The following CDH6 variants were observed in gnomAD, a reference collection of about 807,000 sequenced individuals.
CDH6 encodes the protein cadherin-6.
CDH6 carries 31 observed loss-of-function variants against 78.0 expected under a neutral mutation model. The observed-to-expected ratio is 0.40, with a 90% CI of 0.30 to 0.54. CDH6 has a LOEUF of 0.54. CDH6 is among the 20% of genes least tolerant of loss of function. The pLI, the probability that CDH6 is intolerant of heterozygous loss-of-function variation, is 0.56. For synonymous variants in CDH6, 376 were observed against 368.8 expected, an observed-to-expected ratio of 1.02 and a Z score of -0.23; for missense variants, 724 against 975.9, an observed-to-expected ratio of 0.74 and a Z score of 3.44.
intron 1 of CDH6, among the ~76,000 whole-genome samples, chr5:31,206,438 A>G (rs1004834685): frequency 6.6e-6 from 1 of 152,186 alleles, no homozygotes; most frequent in Non-Finnish European, 1.5e-5. Flanking sequence ...AACAGGTTTC[A>G]GCCTCATAGA....
At chr5:31,204,567 T>A (rs1011114997) in intron 1 of CDH6, among the ~76,000 whole-genome samples, 1 of 152,232 alleles carries the variant, frequency 6.6e-6, no homozygotes, top group Non-Finnish European at 1.5e-5. Context: ...AATAAAAAGT[T>A]GGCTTTGCAC....
intron 1 of CDH6, among the ~76,000 whole-genome samples, chr5:31,207,466 A>T (rs142807062): frequency 5.3e-5 from 8 of 151,980 alleles, no homozygotes; most frequent in African/African-American, 1.9e-4. Context: ...TACCTATCTG[A>T]CTCTTAGCTT....
intron 1 of CDH6, among the ~76,000 whole-genome samples, chr5:31,202,013 A>G (rs899688927): frequency 6.6e-6 from 1 of 152,222 alleles, no homozygotes; most frequent in African/African-American, 2.4e-5. Context: ...CAAAGCGGAT[A>G]ATTCAGTGGG....
At chr5:31,250,871 T>C (rs1212269850) in intron 1 of CDH6, 3 of 152,348 alleles carry the variant, frequency 2.0e-5, no homozygotes, top group African/African-American at 4.8e-5. Context: ...TTTAGGTCAA[T>C]GCCTGTCAAT....
At chr5:31,320,324 G>C (rs754539225) in intron 11 of CDH6, among the ~76,000 whole-genome samples, 38 of 152,102 alleles carry the variant, frequency 2.5e-4, no homozygotes, top group Admixed American at 1.3e-4. Context: ...TTGATTTTTT[G>C]AAAGTGCCCT....
chr5:31,296,707 C>T (rs1346119272), intron 3 of CDH6, among the ~76,000 whole-genome samples: 5 of 152,154 alleles, frequency 3.3e-5, no homozygotes, highest in Non-Finnish European at 2.9e-5. Context: ...TGTCACATTA[C>T]TTAAGTCCAA....
At chr5:31,293,900 A>T (rs1426849281) in intron 2 of CDH6, 62 bp from the exon 3 acceptor site, 3 of 1,190,588 alleles carry the variant, frequency 2.5e-6, no homozygotes, top group Non-Finnish European at 2.4e-6. Context: ...CCAAAAAGAC[A>T]AAAACAGTTT....
At chr5:31,265,150 G>T (rs939312188) in intron 1 of CDH6, among the ~76,000 whole-genome samples, 3 of 152,168 alleles carry the variant, frequency 2.0e-5, no homozygotes, top group Non-Finnish European at 4.4e-5. Flanking sequence ...CCACAGAATC[G>T]ACCTCAGTGT....
chr5:31,194,572 A>C (rs1432573661), intron 1 of CDH6, among the ~76,000 whole-genome samples: 1 of 152,170 alleles, frequency 6.6e-6, no homozygotes, highest in African/African-American at 2.4e-5. Context: ...TTGCAAGGAA[A>C]GTCCAACACT....
At chr5:31,231,279 G>T (rs1177537616) in intron 1 of CDH6, among the ~76,000 whole-genome samples, 1 of 152,138 alleles carries the variant, frequency 6.6e-6, no homozygotes, top group East Asian at 1.9e-4. Context: ...AAAAAGACTG[G>T]CCTGAAATTC....
In CDH6 at chr5:31,302,097, C is replaced by G. The variant is rs374306648; in HGVS notation, c.812-14C>G. ...TAGTCTATGTTTGACTTATATCTGT[C>G]TGGTGATTAATAGGTACATACCAGT... On this transcript the variant is annotated splice_polypyrimidine_tract_variant and intron_variant, in intron 5 of 11. Coordinates refer to ENST00000265071, the MANE Select transcript of CDH6 (RefSeq NM_004932.4). The G allele has an allele frequency of 3.2e-5, 50 of 1,577,622 alleles. No individual in the cohort carries two copies. The highest frequency in any genetic ancestry group is 4.3e-5 in the Non-Finnish European group (49 of 1,152,198).
At chr5:31,202,759 A>G (rs1293997699) in intron 1 of CDH6, among the ~76,000 whole-genome samples, 1 of 151,460 alleles carries the variant, frequency 6.6e-6, no homozygotes, top group Non-Finnish European at 1.5e-5. Flanking sequence ...TATGTAACAT[A>G]TACACGCATA....
rs920228099 is a variant in CDH6, at chr5:31,193,901, C to T, written c.-129+15C>T. On this transcript the variant is annotated intron_variant, in intron 1 of 11. Coordinates refer to ENST00000265071, the MANE Select transcript of CDH6 (RefSeq NM_004932.4). ...GGCGAGCAGAGGTGGGTTCGGGCTC[C>T]GTTGGCTATGCATACATCTCCCTTT... is the stretch of plus-strand genomic sequence containing the variant. 3 of 152,164 alleles carry T rather than the reference C, an allele frequency of 2.0e-5. No homozygotes were observed. The highest frequency in any genetic ancestry group is 3.7e-4 in the South Asian group (2 of 5,424). The allele number at this position is 152,164 out of a possible 1,614,324, so 9.4% of individuals were successfully genotyped here.
At position 31,316,306 on chromosome 5, in the gene CDH6, T is replaced by C; in HGVS notation, c.1489T>C (p.Cys497Arg). The C allele has an allele frequency of 6.2e-7, 1 of 1,613,274 alleles. No individual in the cohort carries two copies. Among genetic ancestry groups the C allele is most frequent in the Non-Finnish European group, 8.5e-7 (1 of 1,179,602 alleles). The change falls in exon 9 of 12, where the codon TGT (cysteine) becomes CGT (arginine). Residue 497 changes from cysteine to arginine, a missense_variant. Coordinates refer to ENST00000265071, the MANE Select transcript of CDH6 (RefSeq NM_004932.4). ...EFAEFYETFV[C>R]EKAKADQLIQ... is the part of the protein sequence containing the mutation. ...TGCTGAGTTCTATGAAACTTTTGTC[T>C]GTGAAAAAGCAAAGGCAGATCAGGT... is the stretch of plus-strand genomic sequence containing the variant.
At chr5:31,270,055 T>TA (rs1315196078) in intron 2 of CDH6, among the ~76,000 whole-genome samples, 1 of 152,160 alleles carries the variant, frequency 6.6e-6, no homozygotes, top group African/African-American at 2.4e-5. Flanking sequence ...TTACCACAAT[T>TA]AAAAATAATA....
Position 31,297,424 on chromosome 5 carries a change from C to T in CDH6, c.643+16C>T. 1 of 1,573,448 alleles carries T rather than the reference C, an allele frequency of 6.4e-7. No homozygotes were observed. Among genetic ancestry groups the T allele is most frequent in the Non-Finnish European group, 8.6e-7 (1 of 1,156,572 alleles). On this transcript the variant is annotated intron_variant, in intron 4 of 11. Coordinates refer to ENST00000265071, the MANE Select transcript of CDH6 (RefSeq NM_004932.4). Reference sequence around the variant, plus strand: ...TCAGAAACAGGTTAGACTTTTTGATCTTCCTTTTTATAATCTATAATTTTA... The same window carrying T: ...TCAGAAACAGGTTAGACTTTTTGATTTTCCTTTTTATAATCTATAATTTTA...
rs151043213 is a variant in CDH6, at chr5:31,328,175, CTTTTTTTT to C, written c.*4881_*4888del. The C allele has an allele frequency of 4.9e-4, 60 of 122,138 alleles. No individual in the cohort carries two copies. The highest frequency in any genetic ancestry group is 8.8e-4 in the Non-Finnish European group (54 of 61,120). The allele number at this position is 122,138 out of a possible 1,614,324, so 7.6% of individuals were successfully genotyped here. A position where few individuals can be genotyped will look rare whatever the true frequency, so the allele number is the denominator to read the frequency against. On this transcript the variant is annotated 3_prime_UTR_variant, in exon 12 of 12. Coordinates refer to ENST00000265071, the MANE Select transcript of CDH6 (RefSeq NM_004932.4). ...AGAGCTTTTACAAGTTGCTTAATTC[CTTTTTTTT>C]TTTTTTTTTTTTTCAAAAACCCATG...
intron 1 of CDH6, among the ~76,000 whole-genome samples, chr5:31,205,766 T>C (rs1740500518): frequency 6.6e-6 from 1 of 152,190 alleles, no homozygotes; most frequent in Non-Finnish European, 1.5e-5. Flanking sequence ...TAATCCTATA[T>C]GTTCTTTTTA....
Position 31,323,520 on chromosome 5 carries a change from TAACC to T in CDH6, c.*215_*218del. The T allele has an allele frequency of 1.9e-6, 1 of 533,040 alleles. No individual in the cohort carries two copies. Among genetic ancestry groups the T allele is most frequent in the Admixed American group, 3.3e-5 (1 of 30,094 alleles). 33.0% of individuals were successfully genotyped at this position (533,040 alleles called of 1,614,324 possible). A position where few individuals can be genotyped will look rare whatever the true frequency, so the allele number is the denominator to read the frequency against. ...ATTTTTATTTTTTAGTGCATCCAGT[TAACC>T]AAGTCAGCCCAACAGGCAGGTGCCG... On this transcript the variant is annotated 3_prime_UTR_variant, in exon 12 of 12. Coordinates refer to ENST00000265071, the MANE Select transcript of CDH6 (RefSeq NM_004932.4).
Sources: allele counts gnomAD v4.1 joint callset (sites outside exome capture counted in the v4.1 genomes callset), GRCh38; gene constraint gnomAD v4.1.1; transcripts MANE v1.5; gene names NCBI Gene and HGNC (gene_info 2026-07-23, HGNC 2026-07-21).